The following MX1 variants were observed in gnomAD, a reference collection of about 807,000 sequenced individuals.
The protein encoded by MX1 is MX dynamin like GTPase 1.
In MX1, 66 loss-of-function variants were observed where a neutral mutation model predicts 66.4. The observed-to-expected ratio is 0.99, with a 90% CI of 0.82 to 1.22. MX1 has a LOEUF of 1.22. Ranked by LOEUF, MX1 falls within the 50% of genes most tolerant of loss-of-function variation. MX1 has a pLI of 0.00. For missense variants in MX1, 787 were observed against 834.3 expected, an observed-to-expected ratio of 0.94 and a Z score of 0.70; for synonymous variants, 311 against 318.1, an observed-to-expected ratio of 0.98 and a Z score of 0.24.
chr21:41,458,607 A>C lies in MX1; in HGVS notation c.1838A>C (p.Gln613Pro), dbSNP rs748834625. Residue 613 changes from glutamine to proline, a missense_variant, in exon 17 of 17, where the codon CAG becomes CCG. By Grantham distance (76) the Gln-to-Pro change is moderately conservative. Coordinates refer to ENST00000398598, the MANE Select transcript of MX1 (RefSeq NM_002462.5). ...FMLQTYGQQL[Q>P]KAMLQLLQDK... is the part of the protein sequence containing the mutation. ...CTCCAGACGTACGGCCAGCAGCTTC[A>C]GAAGGCCATGCTGCAGCTCCTGCAG... 6.2e-7 allele frequency: 1 copy of C among 1,611,364 alleles called. No homozygotes were observed. The highest frequency in any genetic ancestry group is 8.5e-7 in the Non-Finnish European group (1 of 1,178,920).
At chr21:41,451,606 G>A (rs1032439096) in intron 15 of MX1, among the ~76,000 whole-genome samples, 4 of 152,214 alleles carry the variant, frequency 2.6e-5, no homozygotes, top group Middle Eastern at 6.8e-3. Flanking sequence ...GGCTGAGGCC[G>A]GTAGATGACT....
chr21:41,421,487 G>A (rs1016500334), upstream of MX1: 1 of 157,722 alleles, frequency 6.3e-6, no homozygotes, highest in Non-Finnish European at 1.4e-5. Context: ...CTATCACATG[G>A]GGAGAAACCT....
At chr21:41,438,257 A>G (rs2090417408) in intron 7 of MX1, among the ~76,000 whole-genome samples, 1 of 152,272 alleles carries the variant, frequency 6.6e-6, no homozygotes, top group Non-Finnish European at 1.5e-5. Flanking sequence ...ATTAGTTGGG[A>G]TTAGGTTGGC....
intron 1 of MX1, 84 bp from the exon 2 acceptor site, chr21:41,427,122 A>G (rs2146046458): frequency 6.6e-6 from 1 of 152,378 alleles, no homozygotes; most frequent in Admixed American, 6.5e-5. Flanking sequence ...TGGGAAGTAG[A>G]GTCCAGTGAT....
chr21:41,441,055 G>GTGAGAATGGGGGAGCCCGCCTGTGCTCGC lies in MX1; in HGVS notation c.730+58_730+59insCTGAGAATGGGGGAGCCCGCCTGTGCTCG. ...GAGTGGGGGAGCCCCACTGTGCTCA[G>GTGAGAATGGGGGAGCCCGCCTGTGCTCGC]TGAGAATGGGGGAGCCCGCCTGTGC... On this transcript the variant is annotated intron_variant, in intron 9 of 16. Transcript: ENST00000398598. The surrounding 1 kb of genome is among the most constrained non-coding windows in gnomAD (Gnocchi z 4.0). 28 of 1,504,036 alleles carry GTGAGAATGGGGGAGCCCGCCTGTGCTCGC rather than the reference G, an allele frequency of 1.9e-5. 10 individuals are homozygous for GTGAGAATGGGGGAGCCCGCCTGTGCTCGC. The highest frequency in any genetic ancestry group is 1.8e-5 in the Non-Finnish European group (20 of 1,097,728). The allele number at this position is 1,504,036 out of a possible 1,614,324, so 93.2% of individuals were successfully genotyped here. A position where few individuals can be genotyped will look rare whatever the true frequency, so the allele number is the denominator to read the frequency against.
At chr21:41,438,895 C>T (rs1488329311) in intron 7 of MX1, among the ~76,000 whole-genome samples, 5 of 152,066 alleles carry the variant, frequency 3.3e-5, no homozygotes, top group Non-Finnish European at 7.4e-5. Flanking sequence ...GTTTCCAAGG[C>T]CCCCCCGTGA....
At chr21:41,420,748 A>G (rs1568958649) in exon 1 of MX1, 1 of 152,406 alleles carries the variant, frequency 6.6e-6, no homozygotes, top group African/African-American at 2.4e-5. Flanking sequence ...AGCGGCACCC[A>G]GCGTGGGCCT....
In MX1 at chr21:41,441,011, G is replaced by A; in HGVS notation, c.716G>A (p.Gly239Glu). The A allele has an allele frequency of 6.2e-7, 1 of 1,613,994 alleles. No homozygotes were observed. Among genetic ancestry groups the A allele is most frequent in the South Asian group, 1.1e-5 (1 of 91,064 alleles). Residue 239 changes from glycine to glutamate, a missense_variant, in exon 9 of 17, where the codon GGA (glycine) becomes GAA (glutamate). Coordinates refer to ENST00000398598, the MANE Select transcript of MX1 (RefSeq NM_002462.5). The surrounding 1 kb of genome is among the most constrained non-coding windows in gnomAD (Gnocchi z 4.0). ...LSMAQEVDPE[G>E]DRTIGILTKP... ...ATGGCCCAGGAGGTGGACCCCGAGGGAGACAGGACCATCGGTGAGAGTGGG... is the reference window on the plus strand; with the variant it reads ...ATGGCCCAGGAGGTGGACCCCGAGGAAGACAGGACCATCGGTGAGAGTGGG...
chr21:41,436,548 G>A (rs773256468), intron 6 of MX1, among the ~76,000 whole-genome samples: 4 of 152,186 alleles, frequency 2.6e-5, no homozygotes, highest in East Asian at 1.9e-4. Flanking sequence ...GGCCTGGGAC[G>A]GGTCTTGCAA....
chr21:41,437,480 A>G (rs2090397578), intron 7 of MX1, among the ~76,000 whole-genome samples: 1 of 152,034 alleles, frequency 6.6e-6, no homozygotes, highest in African/African-American at 2.4e-5. Context: ...CTCTTAAAAA[A>G]AAAAAATTAA....
intron 2 of MX1, 27 bp downstream of exon 2, chr21:41,427,331 G>A (rs1261834394): frequency 6.6e-6 from 1 of 152,192 alleles, no homozygotes; most frequent in African/African-American, 2.4e-5. Context: ...TTGGTCTAAA[G>A]GGCAAGATGT....
At chr21:41,430,960 T>C (rs2090193902) in intron 4 of MX1, among the ~76,000 whole-genome samples, 1 of 152,214 alleles carries the variant, frequency 6.6e-6, no homozygotes, top group African/African-American at 2.4e-5. Flanking sequence ...ACCGTAATAT[T>C]TGGATTCTCT....
At position 41,452,719 on chromosome 21, in the gene MX1, G is replaced by A; in HGVS notation, c.1608G>A (p.Gln536=). The change falls in exon 16 of 17, where the codon CAG becomes CAA. Residue 536 remains glutamine, a synonymous_variant. Transcript: ENST00000398598. ...QMEQIVYCQD[Q]VYRGALQKVR... ...AACAGATTGTCTACTGCCAGGACCA[G>A]GTATACAGGGGTGCATTGCAGAAGG... is the stretch of plus-strand genomic sequence containing the variant. 3 of 1,614,166 alleles carry A rather than the reference G, an allele frequency of 1.9e-6. No homozygotes were observed. The highest frequency in any genetic ancestry group is 2.5e-6 in the Non-Finnish European group (3 of 1,180,032).
intron 3 of MX1, chr21:41,429,682 A>G (rs466513): frequency 0.65 from 98,605 of 152,002 alleles, 34,224 homozygotes; most frequent in East Asian, 0.99. Flanking sequence ...AGAGGTGGGC[A>G]GATTACGAGG....
chr21:41,440,345 G>T (rs1224568138), intron 8 of MX1, among the ~76,000 whole-genome samples: 1 of 152,040 alleles, frequency 6.6e-6, no homozygotes, highest in African/African-American at 2.4e-5. Flanking sequence ...ATAAAAGAAA[G>T]GTTAAAAAAT....
rs991305665 is a variant in MX1 at position 41,451,849 on chromosome 21, A to G, written c.1509+606A>G. Among the ~76,000 whole-genome samples the G allele has an allele frequency of 1.0e-4, 15 of 145,818 alleles. 2 individuals carry two copies. The highest frequency in any genetic ancestry group is 1.6e-4 in the Non-Finnish European group (11 of 66,806). ...GACCCCGTCTCAAAAAAAAAAAAAA[A>G]AACAAACAAAAAAACTTTCCATCCA... is the stretch of plus-strand genomic sequence containing the variant. On this transcript the variant is annotated intron_variant, in intron 15 of 16. Transcript: ENST00000398598.
chr21:41,445,611 C>A, intron 12 of MX1, 41 bp downstream of exon 12: 1 of 1,611,134 alleles, frequency 6.2e-7, no homozygotes, highest in South Asian at 1.1e-5. Flanking sequence ...AAGCACATGT[C>A]ATGGTCAAAA....
intron 14 of MX1, chr21:41,449,925 C>T (rs2090778303): frequency 6.6e-6 from 1 of 152,188 alleles, no homozygotes; most frequent in Admixed American, 6.5e-5. Flanking sequence ...AGTTTCTAGC[C>T]AAGGCTTGGT....
chr21:41,454,606 G>A (rs1039881762), intron 16 of MX1, among the ~76,000 whole-genome samples: 4 of 152,160 alleles, frequency 2.6e-5, no homozygotes, highest in East Asian at 1.9e-4. Flanking sequence ...GGAAGCTATC[G>A]CGTAGACACA....
Sources: allele counts gnomAD v4.1 joint callset (sites outside exome capture counted in the v4.1 genomes callset), GRCh38; gene constraint gnomAD v4.1.1; non-coding constraint Gnocchi (gnomAD v3.1); transcripts MANE v1.5; gene names NCBI Gene and HGNC (gene_info 2026-07-23, HGNC 2026-07-21).